ACYP2: variants seen among roughly 807,000 people sequenced by gnomAD.
ACYP2 encodes acylphosphatase-2.
ACYP2 carries 12 observed loss-of-function variants against 11.2 expected under a neutral mutation model. The observed-to-expected ratio is 1.08, with a 90% CI of 0.69 to 1.74. ACYP2 has a LOEUF of 1.74. ACYP2 is among the 40% of genes most tolerant of loss of function. The pLI, the probability that ACYP2 is intolerant of heterozygous loss-of-function variation, is 0.00. For synonymous variants in ACYP2, 43 were observed against 32.2 expected, an observed-to-expected ratio of 1.33 and a Z score of -1.13; for missense variants, 134 against 101.9, an observed-to-expected ratio of 1.31 and a Z score of -1.35.
At chr2:54,163,848 C>A (rs919215670) in intron 6 of ACYP2, among the ~76,000 whole-genome samples, 4 of 151,876 alleles carry the variant, frequency 2.6e-5, no homozygotes, top group Admixed American at 6.5e-5. Context: ...AAGAGCAAAA[C>A]TCTGTCTCAA....
chr2:54,146,388 A>G (rs77016886), intron 6 of ACYP2, among the ~76,000 whole-genome samples: 4,641 of 149,612 alleles, frequency 0.031, 101 homozygotes, highest in Non-Finnish European at 0.05. Context: ...TTCCTTCCCT[A>G]TCTCTTTTGG....
intron 2 of ACYP2, among the ~76,000 whole-genome samples, chr2:54,042,372 G>C (rs1166056530): frequency 6.6e-6 from 1 of 152,192 alleles, no homozygotes; most frequent in African/African-American, 2.4e-5. Flanking sequence ...TTGGTGTTAA[G>C]CTATAAACGT....
chr2:54,213,898 G>T (rs1207780655), intron 6 of ACYP2, among the ~76,000 whole-genome samples: 1 of 151,948 alleles, frequency 6.6e-6, no homozygotes, highest in Admixed American at 6.6e-5. Context: ...CTCCCAAGTA[G>T]CTAAGACCAC....
chr2:54,119,030 T>C (rs943325306), intron 4 of ACYP2, among the ~76,000 whole-genome samples: 2 of 145,224 alleles, frequency 1.4e-5, no homozygotes, highest in African/African-American at 5.1e-5. Flanking sequence ...AGTTAAGAAG[T>C]GGGATTTGAA....
At chr2:54,125,126 A>C (rs77557477) in intron 4 of ACYP2, among the ~76,000 whole-genome samples, 17 of 151,804 alleles carry the variant, frequency 1.1e-4, no homozygotes, top group South Asian at 2.1e-4. Context: ...AAAAAAAAAA[A>C]CTCAAAACAG....
intron 6 of ACYP2, among the ~76,000 whole-genome samples, chr2:54,237,555 T>A (rs968211642): frequency 1.3e-5 from 2 of 152,238 alleles, no homozygotes; most frequent in Admixed American, 1.3e-4. Flanking sequence ...TATAGCTATA[T>A]TCCTTCGGCA....
chr2:54,230,083 A>C, intron 6 of ACYP2, among the ~76,000 whole-genome samples: 1 of 152,314 alleles, frequency 6.6e-6, no homozygotes, highest in Admixed American at 6.5e-5. Flanking sequence ...CAAGGAAAAA[A>C]TATTTAACCC....
intron 2 of ACYP2, among the ~76,000 whole-genome samples, chr2:53,979,375 T>C (rs1335756898): frequency 6.6e-6 from 1 of 152,072 alleles, no homozygotes; most frequent in Non-Finnish European, 1.5e-5. Context: ...ACGCTTGTAA[T>C]CCCAGCACTT....
chr2:54,304,887 G>A lies in ACYP2; in HGVS notation c.*85G>A, dbSNP rs1049796439. ...ATACTAGAATAATAGTAGCAGAGTAGGGTGAAAAGGAACTTTCTGTTCTGA... is the reference window on the plus strand; with the variant it reads ...ATACTAGAATAATAGTAGCAGAGTAAGGTGAAAAGGAACTTTCTGTTCTGA... On this transcript the variant is annotated 3_prime_UTR_variant, in exon 7 of 7. Transcript: ENST00000607452. 4.6e-6 allele frequency: 3 copies of A among 655,742 alleles called. No individual in the cohort carries two copies. Among genetic ancestry groups the A allele is most frequent in the Non-Finnish European group, 7.2e-6 (3 of 417,384 alleles). 40.6% of individuals were successfully genotyped at this position (655,742 alleles called of 1,614,324 possible). A position where few individuals can be genotyped will look rare whatever the true frequency, so the allele number is the denominator to read the frequency against.
At chr2:54,038,135 T>C (rs552232932) in intron 2 of ACYP2, among the ~76,000 whole-genome samples, 11 of 152,348 alleles carry the variant, frequency 7.2e-5, no homozygotes, top group African/African-American at 2.6e-4. Context: ...CAACACTTCC[T>C]GGAAGGTGGG....
chr2:54,253,370 A>G (rs1687327805), intron 6 of ACYP2: 1 of 152,230 alleles, frequency 6.6e-6, no homozygotes, highest in Non-Finnish European at 1.5e-5. Flanking sequence ...TATTCCAAAT[A>G]TTTCTATTTG....
chr2:54,293,405 G>A (rs1388930209), intron 6 of ACYP2, among the ~76,000 whole-genome samples: 1 of 152,176 alleles, frequency 6.6e-6, no homozygotes, highest in Non-Finnish European at 1.5e-5. Flanking sequence ...CAATTAGCTG[G>A]TTCTCAGAAT....
At chr2:54,008,753 T>C (rs1317807967) in intron 2 of ACYP2, among the ~76,000 whole-genome samples, 1 of 152,186 alleles carries the variant, frequency 6.6e-6, no homozygotes, top group African/African-American at 2.4e-5. Context: ...CACTGAGAAA[T>C]GTTCCTTCTA....
intron 6 of ACYP2, among the ~76,000 whole-genome samples, chr2:54,154,587 A>G (rs1303505338): frequency 2.6e-5 from 4 of 152,180 alleles, no homozygotes; most frequent in African/African-American, 9.7e-5. Flanking sequence ...ATAGATTTGC[A>G]TGTGTTGAAT....
rs1231751332 is a variant in ACYP2 at position 54,091,714 on chromosome 2, G to A, written c.277+34354G>A. Among the ~76,000 whole-genome samples, 13 of 152,160 alleles carry A rather than the reference G, an allele frequency of 8.5e-5. No individual in the cohort carries two copies. The East Asian group carries it at 2.5e-3, about 29-fold the overall frequency. The stretch of plus-strand genomic sequence containing the variant: ...TTTGGTAGAGATGCGGTTTTGCCAT[G>A]TTGGTCGGGCTGGTCTCGAACTCCT... On this transcript the variant is annotated intron_variant, in intron 4 of 6. Transcript: ENST00000607452.
intron 6 of ACYP2, among the ~76,000 whole-genome samples, chr2:54,159,220 C>T (rs549244014): frequency 1.1e-4 from 17 of 151,904 alleles, no homozygotes; most frequent in African/African-American, 3.9e-4. Context: ...CCTGAGATCA[C>T]CTGTTTTAAC....
At chr2:54,054,731 G>C (rs1016621995) in intron 3 of ACYP2, among the ~76,000 whole-genome samples, 6 of 152,174 alleles carry the variant, frequency 3.9e-5, no homozygotes, top group African/African-American at 1.4e-4. Context: ...TGAGATGATT[G>C]CCCACAATCA....
intron 6 of ACYP2, among the ~76,000 whole-genome samples, chr2:54,299,461 G>A (rs1046219828): frequency 3.3e-5 from 5 of 151,634 alleles, no homozygotes; most frequent in South Asian, 2.1e-4. Context: ...GCATGGTGGC[G>A]CATGCCTGTA....
intron 6 of ACYP2, among the ~76,000 whole-genome samples, chr2:54,304,140 C>A (rs991756031): frequency 5.3e-5 from 8 of 151,700 alleles, no homozygotes; most frequent in African/African-American, 1.9e-4. Context: ...AGTAGATGAG[C>A]ATTTTTTCTT....
Sources: allele counts gnomAD v4.1 joint callset (sites outside exome capture counted in the v4.1 genomes callset), GRCh38; gene constraint gnomAD v4.1.1; transcripts MANE v1.5; gene names NCBI Gene and HGNC (gene_info 2026-07-23, HGNC 2026-07-21).